Variants in PTPRA observed in about 807,000 individuals in gnomAD.
PTPRA encodes the protein receptor-type tyrosine-protein phosphatase alpha.
PTPRA carries 25 observed loss-of-function variants against 104.8 expected under a neutral mutation model. The observed-to-expected ratio is 0.24, with a 90% CI of 0.17 to 0.33. The LOEUF (loss-of-function observed/expected upper bound fraction) is 0.33. Among genes scored for constraint, PTPRA ranks in the 10% least tolerant of loss-of-function variants. PTPRA has a pLI of 1.00. For synonymous variants in PTPRA, 323 were observed against 368.9 expected, an observed-to-expected ratio of 0.88 and a Z score of 1.43; for missense variants, 765 against 1,015.3, an observed-to-expected ratio of 0.75 and a Z score of 3.35.
At chr20:2,985,338 C>T (rs2062854572) in intron 6 of PTPRA, among the ~76,000 whole-genome samples, 1 of 152,154 alleles carries the variant, frequency 6.6e-6, no homozygotes, top group Non-Finnish European at 1.5e-5. Context: ...AGAAGAGAGA[C>T]GCGAGGCTGG....
intron 9 of PTPRA, among the ~76,000 whole-genome samples, chr20:3,002,488 G>A (rs2063680191): frequency 6.6e-6 from 1 of 151,888 alleles, no homozygotes; most frequent in Admixed American, 6.6e-5. Context: ...CACCATACCT[G>A]GCTAATTTTT....
chr20:3,033,562 G>A (rs1021937233), intron 20 of PTPRA, among the ~76,000 whole-genome samples: 1 of 151,958 alleles, frequency 6.6e-6, no homozygotes, highest in African/African-American at 2.4e-5. Flanking sequence ...AATGGCAGCT[G>A]CTGGTCCTTT....
chr20:3,020,920 GC>G (rs977858145), intron 13 of PTPRA, among the ~76,000 whole-genome samples: 11 of 152,256 alleles, frequency 7.2e-5, no homozygotes, highest in African/African-American at 1.2e-4. Flanking sequence ...TACCCTGGTG[GC>G]CCCCTCATAG....
chr20:2,974,400 G>C (rs147970153), intron 5 of PTPRA, among the ~76,000 whole-genome samples: 2,340 of 151,344 alleles, frequency 0.015, 122 homozygotes, highest in Admixed American at 0.09. Context: ...AAAGACGTGA[G>C]CCACTGTGCC....
rs370273192 is a variant in PTPRA at position 2,965,105 on chromosome 20, G to A, written c.318G>A (p.Thr106=). The change falls in exon 5 of 24, where the codon ACG becomes ACA. Residue 106 remains threonine (T), a synonymous_variant. Transcript: ENST00000399903. ...GCATTACAATTTCACCAAATGGAAC[G>A]TGGCTTCCAGATAACCAGTTCACGG... ...SIGITISPNG[T]WLPDNQFTDA... is the part of the protein sequence containing the mutation. The A allele has an allele frequency of 7.4e-6, 12 of 1,613,992 alleles. No individual in the cohort carries two copies. Among genetic ancestry groups the A allele is most frequent in the East Asian group, 2.2e-5 (1 of 44,896 alleles).
intron 9 of PTPRA, among the ~76,000 whole-genome samples, chr20:3,001,610 G>A (rs1302085542): frequency 6.6e-6 from 1 of 152,144 alleles, no homozygotes; most frequent in Admixed American, 6.5e-5. Flanking sequence ...TTATGTGAAG[G>A]AAGAGAATGC....
chr20:2,935,395 A>G (rs2060654331), intron 2 of PTPRA, among the ~76,000 whole-genome samples: 1 of 152,198 alleles, frequency 6.6e-6, no homozygotes, highest in South Asian at 2.1e-4. Context: ...TTCATCCATC[A>G]ATGAATGAAA....
At chr20:2,986,619 C>G in intron 6 of PTPRA, 146 bp from the exon 7 acceptor site, 1 of 714,972 alleles carries the variant, frequency 1.4e-6, no homozygotes, top group South Asian at 1.7e-5. Flanking sequence ...GAGGTGCACA[C>G]TCATACTTTC....
intron 5 of PTPRA, among the ~76,000 whole-genome samples, chr20:2,971,959 G>A (rs750197409): frequency 9.2e-5 from 14 of 151,662 alleles, no homozygotes; most frequent in Admixed American, 2.6e-4. Flanking sequence ...CTCAGCCTCC[G>A]AGTAGCTGGG....
At chr20:2,914,851 A>G (rs1228267945) in intron 1 of PTPRA, among the ~76,000 whole-genome samples, 2 of 152,184 alleles carry the variant, frequency 1.3e-5, no homozygotes, top group South Asian at 2.1e-4. Context: ...TCATTCATGA[A>G]CACGTACAGA....
intron 1 of PTPRA, among the ~76,000 whole-genome samples, chr20:2,894,485 T>G (rs2058917293): frequency 6.6e-6 from 1 of 152,136 alleles, no homozygotes; most frequent in African/African-American, 2.4e-5. Context: ...TTTTTTGTGT[T>G]TTTTTAGAGA....
chr20:2,926,167 C>A (rs1362243068), intron 2 of PTPRA, among the ~76,000 whole-genome samples: 1 of 152,274 alleles, frequency 6.6e-6, no homozygotes, highest in East Asian at 1.9e-4. Flanking sequence ...TTACCTTACA[C>A]TATCCCCCCA....
chr20:3,021,349 C>T lies in PTPRA; in HGVS notation c.1082C>T (p.Thr361Ile). Residue 361 changes from threonine (T) to isoleucine (I), a missense_variant, in exon 14 of 24, where the codon ACC (threonine) becomes ATC (isoleucine). This residue lies in a region of PTPRA where 245 missense variants were observed against 398.7 expected (regional missense o/e 0.61). Transcript: ENST00000399903. ...TACTGGCCAGACCAAGGCTGCTGGA[C>T]CTATGGGAATATTCGGGTGTCTGTA... ...AQYWPDQGCW[T>I]YGNIRVSVED... is the part of the protein sequence containing the mutation. The T allele has an allele frequency of 1.2e-6, 2 of 1,614,044 alleles. No homozygotes were observed. Among genetic ancestry groups the T allele is most frequent in the South Asian group, 2.2e-5 (2 of 91,078 alleles).
upstream of PTPRA, among the ~76,000 whole-genome samples, chr20:2,873,010 GT>G (rs953869328): frequency 1.3e-5 from 2 of 152,122 alleles, no homozygotes. This position sits in a 1 kb window ranked among gnomAD's most constrained non-coding sequence, Gnocchi z 4.4. Context: ...GACTTGGCAG[GT>G]TCCTCTCCCT....
intron 3 of PTPRA, among the ~76,000 whole-genome samples, chr20:2,960,156 T>C (rs1292577081): frequency 6.6e-6 from 1 of 152,168 alleles, no homozygotes; most frequent in African/African-American, 2.4e-5. Context: ...GTGTCTACCA[T>C]TGTAGTATCA....
chr20:2,880,737 A>G (rs2089997859), intron 1 of PTPRA, among the ~76,000 whole-genome samples: 1 of 152,140 alleles, frequency 6.6e-6, no homozygotes, highest in Non-Finnish European at 1.5e-5. Flanking sequence ...CGTATGTAGA[A>G]CCCAGCTGCA....
intron 1 of PTPRA, among the ~76,000 whole-genome samples, chr20:2,876,876 C>T (rs1425394243): frequency 6.6e-6 from 1 of 152,148 alleles, no homozygotes; most frequent in Admixed American, 6.5e-5. Flanking sequence ...TATTATATGC[C>T]TACTTTTCCT....
chr20:2,988,511 A>G (rs2063003507), intron 9 of PTPRA, 37 bp downstream of exon 9: 15 of 1,602,830 alleles, frequency 9.4e-6, no homozygotes, highest in Non-Finnish European at 1.3e-5. Flanking sequence ...TCAGCAGGGA[A>G]GAAGGCAGAC....
chr20:2,988,100 A>G lies in PTPRA; in HGVS notation c.596A>G (p.Asp199Gly). The G allele has an allele frequency of 1.3e-6, 2 of 1,580,870 alleles. No homozygotes were observed. The highest frequency in any genetic ancestry group is 1.7e-6 in the Non-Finnish European group (2 of 1,149,646). The change falls in exon 8 of 24, where the codon GAT (aspartate) becomes GGT (glycine). Residue 199 changes from aspartate (D) to glycine (G), a missense_variant. Physicochemically the swap from Asp to Gly is moderately conservative, Grantham distance 94. Coordinates refer to ENST00000399903, the MANE Select transcript of PTPRA (RefSeq NM_001385305.1). Reference protein sequence around the residue: ...SFRLSNGRTEDVEPQSVPLLA... With the variant: ...SFRLSNGRTEGVEPQSVPLLA... ...CGCTTATCCAACGGCCGCACTGAGGATGTGGGTAAGGCATTCCTTAATGTC... is the reference window on the plus strand; with the variant it reads ...CGCTTATCCAACGGCCGCACTGAGGGTGTGGGTAAGGCATTCCTTAATGTC...
Sources: gnomAD v4.1 joint callset for allele counts (sites outside exome capture counted in the v4.1 genomes callset) on GRCh38, gnomAD v4.1.1 for gene constraint, gnomAD v4.1.1 regional missense constraint, Gnocchi (gnomAD v3.1) non-coding constraint, MANE v1.5 for transcripts, NCBI Gene and HGNC (gene_info 2026-07-23, HGNC 2026-07-21) for gene names.